The following CACNA1C variants were observed in gnomAD, a reference collection of about 807,000 sequenced individuals.
CACNA1C encodes voltage-dependent L-type calcium channel subunit alpha-1C.
In CACNA1C, 30 loss-of-function variants were observed where a neutral mutation model predicts 229.0. That is an observed-to-expected ratio of 0.13 (90% CI 0.10 to 0.18). The LOEUF (loss-of-function observed/expected upper bound fraction) is 0.18. Ranked by LOEUF, CACNA1C falls within the 10% of genes least tolerant of loss-of-function variation. CACNA1C has a pLI of 1.00. For missense variants in CACNA1C, 1,658 were observed against 2,845.0 expected, an observed-to-expected ratio of 0.58 and a Z score of 9.49; for synonymous variants, 1,114 against 1,132.5, an observed-to-expected ratio of 0.98 and a Z score of 0.33.
chr12:2,648,745 G>A (rs1376660958), intron 31 of CACNA1C, among the ~76,000 whole-genome samples: 1 of 152,168 alleles, frequency 6.6e-6, no homozygotes. Context: ...AATTCACTGT[G>A]ATCTTGACTA....
chr12:2,504,562 C>A lies in CACNA1C; in HGVS notation c.1114-280C>A. 1 of 1,365,882 alleles carries A rather than the reference C, an allele frequency of 7.3e-7. No homozygotes were observed. Among genetic ancestry groups the A allele is most frequent in the Non-Finnish European group, 1.0e-6 (1 of 954,242 alleles). 84.6% of individuals were successfully genotyped at this position (1,365,882 alleles called of 1,614,324 possible). On this transcript the variant is annotated intron_variant, in intron 7 of 46. Transcript: ENST00000399655. The surrounding 1 kb of genome is among the most constrained non-coding windows in gnomAD (Gnocchi z 6.8). ...CGGGTAAGCTGACCGTTTCTATGTC[C>A]TCTCCACAACGCAGCCGAGCAAGGT...
At chr12:2,564,255 TC>T (rs2049085794) in intron 11 of CACNA1C, among the ~76,000 whole-genome samples, 2 of 152,314 alleles carry the variant, frequency 1.3e-5, no homozygotes, top group Non-Finnish European at 2.9e-5. Context: ...TCCACTCTAT[TC>T]CTTTATTCAG....
chr12:2,232,240 TTTTTTTTTTTTTG>T (rs1566561066), intron 3 of CACNA1C, among the ~76,000 whole-genome samples: 5 of 147,744 alleles, frequency 3.4e-5, no homozygotes, highest in African/African-American at 1.0e-4. Flanking sequence ...TTTTTTTTTT[TTTTTTTTTTTTTG>T]TTTGTTTGTT....
At chr12:2,516,507 C>T (rs1008821727) in intron 9 of CACNA1C, among the ~76,000 whole-genome samples, 8 of 152,160 alleles carry the variant, frequency 5.3e-5, no homozygotes, top group Non-Finnish European at 8.8e-5. Context: ...GCAGGGGTCC[C>T]GTCAGGTGCC....
At chr12:2,096,446 CT>C (rs1471010395) in intron 1 of CACNA1C, among the ~76,000 whole-genome samples, 1 of 152,192 alleles carries the variant, frequency 6.6e-6, no homozygotes, top group Non-Finnish European at 1.5e-5. Context: ...TGAAGGACAG[CT>C]TCCAAATGCC....
At chr12:2,279,754 T>C (rs1273809582) in intron 3 of CACNA1C, among the ~76,000 whole-genome samples, 1 of 152,200 alleles carries the variant, frequency 6.6e-6, no homozygotes, top group East Asian at 1.9e-4. Context: ...ATAATGCAAA[T>C]GAAAAATACA....
intron 1 of CACNA1C, among the ~76,000 whole-genome samples, chr12:2,047,473 C>A (rs1026890766): frequency 2.0e-5 from 3 of 152,208 alleles, no homozygotes; most frequent in African/African-American, 7.2e-5. Context: ...TCATAGCAGG[C>A]AGAACCTGGC....
intron 34 of CACNA1C, among the ~76,000 whole-genome samples, chr12:2,664,557 G>C (rs200867015): frequency 6.6e-6 from 1 of 152,188 alleles, no homozygotes; most frequent in African/African-American, 2.4e-5. Context: ...CATCCAAAGG[G>C]CTAAGTCTCA....
In CACNA1C at chr12:2,227,585, T is replaced by C. The variant is rs111829648; in HGVS notation, c.477+107155T>C. Among the ~76,000 whole-genome samples, 621 of 152,354 alleles carry C rather than the reference T, an allele frequency of 4.1e-3. 12 individuals are homozygous for C. The highest frequency in any genetic ancestry group is 0.032 in the South Asian group (156 of 4,826). Reference sequence around the variant, plus strand: ...TCCTGAAGAACTCACAAAGCCTCTTTATCTGTTCAAGGTCATTGGATGACT... The same window carrying C: ...TCCTGAAGAACTCACAAAGCCTCTTCATCTGTTCAAGGTCATTGGATGACT... On this transcript the variant is annotated intron_variant, in intron 3 of 46. Coordinates refer to ENST00000399655, the MANE Select transcript of CACNA1C (RefSeq NM_000719.7).
At position 2,067,477 on chromosome 12, in the gene CACNA1C, T is replaced by C. The variant is rs1565478174; in HGVS notation, c.49+13866T>C. Among the ~76,000 whole-genome samples the C allele has an allele frequency of 3.0e-5, 4 of 131,724 alleles. No individual in the cohort carries two copies. Among genetic ancestry groups the C allele is most frequent in the Non-Finnish European group, 3.3e-5 (2 of 59,702 alleles). 86.4% of individuals were successfully genotyped at this position (131,724 alleles called of 152,430 possible). ...GTGTGTGTGTGTGTGTGTGTGTGTG[T>C]GTGTGCGCGCGTGTGCGTGCCTGTA... On this transcript the variant is annotated intron_variant, in intron 1 of 46. Coordinates refer to ENST00000399655, the MANE Select transcript of CACNA1C (RefSeq NM_000719.7). The surrounding 1 kb of genome is among the most constrained non-coding windows in gnomAD (Gnocchi z 5.3).
chr12:2,279,487 A>G (rs114567313), intron 3 of CACNA1C, among the ~76,000 whole-genome samples: 7,032 of 152,308 alleles, frequency 0.046, 196 homozygotes, highest in Middle Eastern at 0.068. Context: ...TATTTATTTG[A>G]AAGCTCTGTT....
chr12:2,503,878 G>A (rs1021553284), intron 7 of CACNA1C, among the ~76,000 whole-genome samples: 5 of 152,298 alleles, frequency 3.3e-5, no homozygotes, highest in African/African-American at 1.2e-4. Context: ...CCGGTGGCCC[G>A]CAGTACGTGT....
intron 1 of CACNA1C, among the ~76,000 whole-genome samples, chr12:2,092,798 A>T (rs1323421407): frequency 6.6e-6 from 1 of 152,234 alleles, no homozygotes; most frequent in African/African-American, 2.4e-5. Flanking sequence ...AGGTTAAGTT[A>T]ACTTAGCAAA....
chr12:2,600,539 C>A (rs188890160), intron 21 of CACNA1C, among the ~76,000 whole-genome samples: 16 of 152,300 alleles, frequency 1.1e-4, no homozygotes, highest in Admixed American at 7.8e-4. Context: ...TCCCTTTGGC[C>A]GATGCTTCCT....
chr12:2,304,871 CA>C (rs2094887804), intron 3 of CACNA1C, among the ~76,000 whole-genome samples: 2 of 152,200 alleles, frequency 1.3e-5, no homozygotes, highest in African/African-American at 4.8e-5. Context: ...GCAGGGTGAG[CA>C]GAGGGTTTGG....
At chr12:2,093,806 C>T (rs2072549504) in intron 1 of CACNA1C, among the ~76,000 whole-genome samples, 1 of 152,218 alleles carries the variant, frequency 6.6e-6, no homozygotes, top group Non-Finnish European at 1.5e-5. Flanking sequence ...GGAAACCGCC[C>T]CTCTTTCATG....
At chr12:2,220,801 C>T (rs1474386808) in intron 3 of CACNA1C, 1 of 152,212 alleles carries the variant, frequency 6.6e-6, no homozygotes, top group African/African-American at 2.4e-5. Flanking sequence ...ATGCGAGGCA[C>T]TTTGACAGGC....
intron 1 of CACNA1C, among the ~76,000 whole-genome samples, chr12:2,013,913 G>C (rs2044865243): frequency 6.6e-6 from 1 of 152,160 alleles, no homozygotes. Flanking sequence ...TAGGGTTTGA[G>C]CATCCACAGA....
At chr12:2,017,534 T>C (rs905169746) in intron 1 of CACNA1C, among the ~76,000 whole-genome samples, 1 of 151,954 alleles carries the variant, frequency 6.6e-6, no homozygotes, top group African/African-American at 2.4e-5. Flanking sequence ...CCAGATAGAG[T>C]TTTTCACAGG....
Sources: allele counts gnomAD v4.1 joint callset (sites outside exome capture counted in the v4.1 genomes callset), GRCh38; gene constraint gnomAD v4.1.1; non-coding constraint Gnocchi (gnomAD v3.1); transcripts MANE v1.5; gene names NCBI Gene and HGNC (gene_info 2026-07-23, HGNC 2026-07-21).